LEPR: variants seen among roughly 807,000 people sequenced by gnomAD.
LEPR encodes the protein leptin receptor, also known as OB receptor.
A neutral mutation model predicts 114.7 loss-of-function variants in LEPR; 56 were observed. The ratio of observed to expected loss-of-function variants is 0.49; its 90% CI spans 0.39 to 0.61. The LOEUF (loss-of-function observed/expected upper bound fraction) is 0.61. Among genes scored for constraint, LEPR ranks in the 20% least tolerant of loss-of-function variants. The probability of loss-of-function intolerance (pLI) is 0.00; values close to 1 mark genes in which losing one functional copy is unlikely to be tolerated. For synonymous variants in LEPR, 443 were observed against 461.4 expected, an observed-to-expected ratio of 0.96 and a Z score of 0.51; for missense variants, 1,202 against 1,352.9, an observed-to-expected ratio of 0.89 and a Z score of 1.75.
intron 1 of LEPR, chr1:65,421,312 C>T: frequency 6.6e-7 from 1 of 1,512,310 alleles, no homozygotes; most frequent in African/African-American, 1.4e-5. Flanking sequence ...TCGGTGTTTT[C>T]TCTGTTTATG....
chr1:65,461,930 A>G (rs1290880210), intron 2 of LEPR, among the ~76,000 whole-genome samples: 1 of 152,306 alleles, frequency 6.6e-6, no homozygotes, highest in East Asian at 1.9e-4. Context: ...TCCCAGTTGA[A>G]GGGCCTTCTA....
intron 2 of LEPR, chr1:65,430,162 GT>G: frequency 1.1e-6 from 1 of 928,516 alleles, no homozygotes; most frequent in Non-Finnish European, 1.5e-6. Flanking sequence ...AAGGCCGTGT[GT>G]TTTTAGTTTC....
chr1:65,455,591 C>CTCGGGGG (rs1315590885), intron 2 of LEPR, among the ~76,000 whole-genome samples: 1 of 152,178 alleles, frequency 6.6e-6, no homozygotes, highest in African/African-American at 2.4e-5. Flanking sequence ...AGTTAGGCTG[C>CTCGGGGG]TCGGGGGTCA....
At chr1:65,579,729 A>G (rs1354403853) in intron 5 of LEPR, among the ~76,000 whole-genome samples, 1 of 152,226 alleles carries the variant, frequency 6.6e-6, no homozygotes, top group African/African-American at 2.4e-5. Context: ...AGCCCCGTGA[A>G]TATGTGTAAG....
In LEPR at chr1:65,545,164, C is replaced by G. The variant is rs1651586632; in HGVS notation, c.-20-20382C>G. The stretch of plus-strand genomic sequence containing the variant: ...TCATTTTTTATGGCTGCATAGTATT[C>G]CATGGTGTATATGTGCCACATTTTC... On this transcript the variant is annotated intron_variant, in intron 2 of 19. Transcript: ENST00000349533. Among the ~76,000 whole-genome samples the G allele has an allele frequency of 2.0e-5, 3 of 146,876 alleles. No individual in the cohort carries two copies. The South Asian group carries it at 6.6e-4, about 32-fold the overall frequency.
chr1:65,467,108 C>T (rs891028160), intron 2 of LEPR, among the ~76,000 whole-genome samples: 5 of 152,054 alleles, frequency 3.3e-5, no homozygotes, highest in Non-Finnish European at 4.4e-5. Flanking sequence ...GGAGAAGAGG[C>T]GCTCTATTTT....
intron 2 of LEPR, among the ~76,000 whole-genome samples, chr1:65,553,203 C>T (rs1652543110): frequency 3.3e-5 from 5 of 152,116 alleles, no homozygotes; most frequent in Admixed American, 3.3e-4. Context: ...CTTCAGGTTG[C>T]TCTTCTCGAG....
chr1:65,574,388 A>G (rs1191738455), intron 5 of LEPR, among the ~76,000 whole-genome samples: 1 of 146,962 alleles, frequency 6.8e-6, no homozygotes, highest in Admixed American at 6.8e-5. Context: ...CCTAAAACTT[A>G]AAGTATAATA....
chr1:65,431,978 G>A, intron 2 of LEPR: 1 of 1,534,026 alleles, frequency 6.5e-7, no homozygotes, highest in South Asian at 1.3e-5. Flanking sequence ...CTGTATACAT[G>A]TGCACATGCG....
chr1:65,449,825 T>C lies in LEPR; in HGVS notation c.-21+24447T>C, dbSNP rs188679257. 7.1e-3 allele frequency among the ~76,000 whole-genome samples: 1,088 copies of C among 152,236 alleles called. 10 individuals carry two copies. Among genetic ancestry groups the C allele is most frequent in the Non-Finnish European group, 0.012 (825 of 68,016 alleles). ...ATTAATTTGTTCCTCTTTTTTCTAGTTTTTTAAGGTGAAAGCCTAGATGAT... is the reference window on the plus strand; with the variant it reads ...ATTAATTTGTTCCTCTTTTTTCTAGCTTTTTAAGGTGAAAGCCTAGATGAT... On this transcript the variant is annotated intron_variant, in intron 2 of 19. Transcript: ENST00000349533.
In LEPR at chr1:65,614,487, G is replaced by A. The variant is rs113099149; in HGVS notation, c.1996-1521G>A. Among the ~76,000 whole-genome samples the A allele has an allele frequency of 1.4e-4, 21 of 152,294 alleles. 4 individuals carry two copies. The highest frequency in any genetic ancestry group is 5.1e-4 in the African/African-American group (21 of 41,578). ...TTGTTGGAAATGTGTGGAATCTTAA[G>A]ACTAAAGGCAAAAGAAACTGTACAT... On this transcript the variant is annotated intron_variant, in intron 14 of 19. Coordinates refer to ENST00000349533, the MANE Select transcript of LEPR (RefSeq NM_002303.6).
chr1:65,496,417 A>G (rs1334883371), intron 2 of LEPR, among the ~76,000 whole-genome samples: 1 of 151,986 alleles, frequency 6.6e-6, no homozygotes, highest in African/African-American at 2.4e-5. Context: ...TACAAAAGAA[A>G]ACCAAAAACA....
chr1:65,592,593 C>T (rs1655781942), intron 5 of LEPR, 64 bp from the exon 6 acceptor site: 1 of 1,567,428 alleles, frequency 6.4e-7, no homozygotes, highest in Non-Finnish European at 8.7e-7. Context: ...TAGTATCCTG[C>T]TTTAAAAGCC....
intron 2 of LEPR, among the ~76,000 whole-genome samples, chr1:65,496,260 A>C (rs1477052185): frequency 6.6e-6 from 1 of 152,214 alleles, no homozygotes; most frequent in Non-Finnish European, 1.5e-5. Flanking sequence ...CCTTAAGAGA[A>C]AATTTGTTTT....
At chr1:65,537,416 C>T (rs1283361862) in intron 2 of LEPR, among the ~76,000 whole-genome samples, 3 of 152,076 alleles carry the variant, frequency 2.0e-5, no homozygotes, top group African/African-American at 4.8e-5. Flanking sequence ...TGGTTTTAGT[C>T]CTTCTTCCTC....
chr1:65,433,647 A>T, intron 2 of LEPR: 1 of 985,326 alleles, frequency 1.0e-6, no homozygotes, highest in Non-Finnish European at 1.2e-6. Flanking sequence ...TCATGATTTT[A>T]TGTTTTCAGT....
intron 3 of LEPR, among the ~76,000 whole-genome samples, chr1:65,566,024 C>T (rs542139915): frequency 3.9e-5 from 6 of 152,050 alleles, no homozygotes; most frequent in African/African-American, 7.2e-5. Flanking sequence ...CAGTATTTAC[C>T]GGGATACTTA....
chr1:65,559,370 G>GT (rs1653123415), intron 2 of LEPR, among the ~76,000 whole-genome samples: 1 of 32,650 alleles, frequency 3.1e-5, no homozygotes, highest in Non-Finnish European at 5.8e-5. Context: ...GTCTGTTCAT[G>GT]TCCTTCGCCC....
chr1:65,633,379 T>A lies in LEPR; in HGVS notation c.2674-2812T>A. The A allele has an allele frequency of 7.5e-7, 1 of 1,328,738 alleles. No homozygotes were observed. Among genetic ancestry groups the A allele is most frequent in the Non-Finnish European group, 9.6e-7 (1 of 1,041,368 alleles). 82.3% of individuals were successfully genotyped at this position (1,328,738 alleles called of 1,614,324 possible). A position where few individuals can be genotyped will look rare whatever the true frequency, so the allele number is the denominator to read the frequency against. ...GTTCAAAATGTAGATTTGAGTCCAG[T>A]TTGGATGTGTGATTAATTTTCAAAT... is the stretch of plus-strand genomic sequence containing the variant. On this transcript the variant is annotated intron_variant, in intron 19 of 19. Coordinates refer to ENST00000349533, the MANE Select transcript of LEPR (RefSeq NM_002303.6). This position sits in a 1 kb window ranked among gnomAD's most constrained non-coding sequence, Gnocchi z 4.1.
Sources: gnomAD v4.1 joint callset for allele counts (sites outside exome capture counted in the v4.1 genomes callset) on GRCh38, gnomAD v4.1.1 for gene constraint, Gnocchi (gnomAD v3.1) non-coding constraint, MANE v1.5 for transcripts, NCBI Gene and HGNC (gene_info 2026-07-23, HGNC 2026-07-21) for gene names.